The following MTARC1 variants were observed in gnomAD, a reference collection of about 807,000 sequenced individuals.
MTARC1 encodes the protein mitochondrial amidoxime reducing component 1, also known as mitochondrial amidoxime-reducing component 1.
A neutral mutation model predicts 33.6 loss-of-function variants in MTARC1; 24 were observed. The observed-to-expected ratio is 0.72, with a 90% confidence interval of 0.52 to 1.01. The LOEUF is 1.01. Among genes scored for constraint, MTARC1 ranks in the 50% least tolerant of loss-of-function variants. The probability of loss-of-function intolerance (pLI) is 0.00; values close to 1 mark genes in which losing one functional copy is unlikely to be tolerated. For synonymous variants in MTARC1, 187 were observed against 189.5 expected, an observed-to-expected ratio of 0.99 and a Z score of 0.11; for missense variants, 417 against 445.7, an observed-to-expected ratio of 0.94 and a Z score of 0.58.
rs1343524771 is a variant in MTARC1, at chr1:220,815,165, T to A, written c.*1747T>A. On this transcript the variant is annotated 3_prime_UTR_variant, in exon 7 of 7. Transcript: ENST00000366910. Reference sequence around the variant, plus strand: ...ACAGATAGATTGAGACAAAGCGAAGTGTTCAGCAAGTAGCATTACTAATGG... The same window carrying A: ...ACAGATAGATTGAGACAAAGCGAAGAGTTCAGCAAGTAGCATTACTAATGG... The A allele has an allele frequency of 6.6e-6, 1 of 152,242 alleles. No individual in the cohort carries two copies. The highest frequency in any genetic ancestry group is 1.5e-5 in the Non-Finnish European group (1 of 68,046). 9.4% of individuals were successfully genotyped at this position (152,242 alleles called of 1,614,324 possible). A position where few individuals can be genotyped will look rare whatever the true frequency, so the allele number is the denominator to read the frequency against.
chr1:220,805,025 C>A (rs765643393), intron 4 of MTARC1, 27 bp from the exon 5 acceptor site: 1 of 1,612,012 alleles, frequency 6.2e-7, no homozygotes, highest in Admixed American at 1.7e-5. Context: ...CAGAGATGCT[C>A]ATGGGAATTT....
chr1:220,797,204 A>G (rs776501679), intron 3 of MTARC1, among the ~76,000 whole-genome samples: 36 of 152,208 alleles, frequency 2.4e-4, no homozygotes, highest in Non-Finnish European at 4.7e-4. Flanking sequence ...TCAAATGATC[A>G]GCCTTAATGG....
In MTARC1 at chr1:220,814,741, T is replaced by C. The variant is rs1342698223; in HGVS notation, c.*1323T>C. ...GAGTGATAGAGTGAGACCCTATCTC[T>C]AAAAAAGAAACAGGAAAAAAAAAGA... On this transcript the variant is annotated 3_prime_UTR_variant, in exon 7 of 7. Coordinates refer to ENST00000366910, the MANE Select transcript of MTARC1 (RefSeq NM_022746.4). 1 of 151,434 alleles carries C rather than the reference T, an allele frequency of 6.6e-6. No individual in the cohort carries two copies. Among genetic ancestry groups the C allele is most frequent in the Non-Finnish European group, 1.5e-5 (1 of 67,934 alleles). The allele number at this position is 151,434 out of a possible 1,614,324, so 9.4% of individuals were successfully genotyped here. A position where few individuals can be genotyped will look rare whatever the true frequency, so the allele number is the denominator to read the frequency against.
intron 4 of MTARC1, among the ~76,000 whole-genome samples, chr1:220,800,814 C>T (rs920782536): frequency 1.3e-5 from 2 of 152,074 alleles, no homozygotes; most frequent in African/African-American, 4.8e-5. Context: ...GGCTCAGGCC[C>T]CAAACTGCGA....
At chr1:220,799,661 C>T (rs573774700) in intron 4 of MTARC1, among the ~76,000 whole-genome samples, 2 of 152,228 alleles carry the variant, frequency 1.3e-5, no homozygotes, top group Non-Finnish European at 2.9e-5. Flanking sequence ...AGGTGGCCTG[C>T]CCTAGGCTAT....
chr1:220,799,290 G>C, intron 4 of MTARC1: 9 of 580,890 alleles, frequency 1.5e-5, no homozygotes, highest in Non-Finnish European at 2.0e-5. Context: ...CGGGTGGACT[G>C]TGTGCATGTC....
intron 1 of MTARC1, among the ~76,000 whole-genome samples, chr1:220,789,482 A>G (rs767508525): frequency 5.3e-5 from 8 of 152,182 alleles, no homozygotes; most frequent in African/African-American, 9.7e-5. Context: ...GTTTTAAGAA[A>G]GTTTATGAAT....
chr1:220,798,775 G>T (rs58479147), intron 4 of MTARC1: 2 of 864,106 alleles, frequency 2.3e-6, no homozygotes, highest in African/African-American at 1.8e-5. Flanking sequence ...GTTGAGAAGG[G>T]AGAGGTAAAG....
At chr1:220,809,751 G>C (rs527435878) in intron 6 of MTARC1, among the ~76,000 whole-genome samples, 36 of 152,314 alleles carry the variant, frequency 2.4e-4, no homozygotes, top group Middle Eastern at 6.8e-3. Context: ...CTCAGGTGAC[G>C]TGTCTGCCTT....
rs1673313213 is a variant in MTARC1, at chr1:220,817,869, C to T, written c.*4451C>T. 1 of 152,324 alleles carries T rather than the reference C, an allele frequency of 6.6e-6. No individual in the cohort carries two copies. The highest frequency in any genetic ancestry group is 1.5e-5 in the Non-Finnish European group (1 of 68,168). 9.4% of individuals were successfully genotyped at this position (152,324 alleles called of 1,614,324 possible). On this transcript the variant is annotated 3_prime_UTR_variant, in exon 7 of 7. Transcript: ENST00000366910. Reference sequence around the variant, plus strand: ...AAGTGCTGGGATTACAGTTGTGAGCCACCACGCCCGGCCCTAGCTTTTCCT... The same window carrying T: ...AAGTGCTGGGATTACAGTTGTGAGCTACCACGCCCGGCCCTAGCTTTTCCT...
At chr1:220,798,613 T>C (rs1193507877) in intron 4 of MTARC1, 4 of 973,074 alleles carry the variant, frequency 4.1e-6, no homozygotes, top group Non-Finnish European at 4.9e-6. Flanking sequence ...AAATGGCCTT[T>C]GGCTATTTAA....
intron 4 of MTARC1, among the ~76,000 whole-genome samples, chr1:220,800,241 T>TA (rs772409463): frequency 6.6e-6 from 1 of 152,222 alleles, no homozygotes; most frequent in Non-Finnish European, 1.5e-5. Flanking sequence ...GAACATTCTG[T>TA]ATGTGAAGCT....
At chr1:220,797,365 G>A (rs1487042213) in intron 3 of MTARC1, among the ~76,000 whole-genome samples, 3 of 152,154 alleles carry the variant, frequency 2.0e-5, no homozygotes, top group African/African-American at 7.2e-5. Context: ...AGTTGAGGCT[G>A]CAGTGATCTG....
In MTARC1 at chr1:220,797,929, A is replaced by T; in HGVS notation, c.668A>T (p.Asp223Val). The T allele has an allele frequency of 1.2e-6, 2 of 1,614,232 alleles. No homozygotes were observed. Among genetic ancestry groups the T allele is most frequent in the Non-Finnish European group, 1.7e-6 (2 of 1,180,044 alleles). The change falls in exon 4 of 7, where the codon GAT becomes GTT. Residue 223 changes from aspartate (D) to valine (V), a missense_variant. Physicochemically the swap from Asp to Val is radical, Grantham distance 152. Transcript: ENST00000366910. ...FLILSEASLA[D>V]LNSRLEKKVK... ...ATCCTTTCTGAGGCGTCGCTGGCGG[A>T]TCTCAACTCCAGGCTAGAGAAGAAA...
chr1:220,788,912 T>G (rs1325458145), intron 1 of MTARC1, among the ~76,000 whole-genome samples: 2 of 152,174 alleles, frequency 1.3e-5, no homozygotes, highest in African/African-American at 2.4e-5. Context: ...AAAAGCAGTT[T>G]TTGAGCTCAT....
At position 220,791,394 on chromosome 1, in the gene MTARC1, G is replaced by T. The variant is rs1457903504; in HGVS notation, c.276-97G>T. ...TCACACACACCAGGCTTATGGGGAA[G>T]AAATCAAAGATGACAACAGTGTCTA... On this transcript the variant is annotated intron_variant, in intron 1 of 6. Transcript: ENST00000366910. 12 of 1,371,716 alleles carry T rather than the reference G, an allele frequency of 8.7e-6. No individual in the cohort carries two copies. In the East Asian group the frequency reaches 9.4e-5, roughly 11 times the overall value. 85.0% of individuals were successfully genotyped at this position (1,371,716 alleles called of 1,614,324 possible).
intron 2 of MTARC1, among the ~76,000 whole-genome samples, chr1:220,792,809 T>G (rs1312236271): frequency 6.6e-6 from 1 of 152,224 alleles, no homozygotes; most frequent in Non-Finnish European, 1.5e-5. Flanking sequence ...ATGTTGAGTA[T>G]TTTTTCATAT....
intron 6 of MTARC1, among the ~76,000 whole-genome samples, chr1:220,806,916 G>A (rs1263249728): frequency 6.6e-6 from 1 of 152,204 alleles, no homozygotes; most frequent in Non-Finnish European, 1.5e-5. Flanking sequence ...GGTACTCAAG[G>A]AATCCTTAGG....
intron 2 of MTARC1, among the ~76,000 whole-genome samples, chr1:220,795,608 A>G (rs1247504423): frequency 6.6e-6 from 1 of 152,192 alleles, no homozygotes; most frequent in Non-Finnish European, 1.5e-5. Context: ...ATTTATATAT[A>G]TGGGTTTATA....
Sources: allele counts gnomAD v4.1 joint callset (sites outside exome capture counted in the v4.1 genomes callset), GRCh38; gene constraint gnomAD v4.1.1; transcripts MANE v1.5; gene names NCBI Gene and HGNC (gene_info 2026-07-23, HGNC 2026-07-21).